HIVEP2: variants seen among roughly 807,000 people sequenced by gnomAD.
HIVEP2 encodes the protein transcription factor HIVEP2.
HIVEP2 carries 14 observed loss-of-function variants against 180.7 expected under a neutral mutation model. The observed-to-expected ratio is 0.08, with a 90% CI of 0.05 to 0.12. The LOEUF is 0.12. HIVEP2 is among the 10% of genes least tolerant of loss of function. The pLI, the probability that HIVEP2 is intolerant of heterozygous loss-of-function variation, is 1.00. For synonymous variants in HIVEP2, 1,184 were observed against 1,136.4 expected (o/e 1.04, Z -0.84); for missense variants, 2,579 against 3,008.5 (o/e 0.86, Z 3.34).
chr6:142,880,772 C>T (rs1043344393), intron 1 of HIVEP2, among the ~76,000 whole-genome samples: 10 of 152,140 alleles, frequency 6.6e-5, no homozygotes, highest in African/African-American at 2.4e-4. Flanking sequence ...AGATTCCCTC[C>T]ATCCATCAAT....
At chr6:142,892,716 C>T (rs542131310) in intron 1 of HIVEP2, among the ~76,000 whole-genome samples, 1 of 152,176 alleles carries the variant, frequency 6.6e-6, no homozygotes, top group South Asian at 2.1e-4. Flanking sequence ...CAAGGCAATA[C>T]TGAATAACAC....
chr6:142,856,791 A>G lies in HIVEP2; in HGVS notation c.-640-19744T>C, dbSNP rs148491946. Among the ~76,000 whole-genome samples, 532 of 152,298 alleles carry G rather than the reference A, an allele frequency of 3.5e-3. 3 individuals are homozygous for G. Among genetic ancestry groups the G allele is most frequent in the African/African-American group, 0.011 (443 of 41,556 alleles). On this transcript the variant is annotated intron_variant, in intron 1 of 9. Coordinates refer to ENST00000367603, the MANE Select transcript of HIVEP2 (RefSeq NM_006734.4). The stretch of plus-strand genomic sequence containing the variant: ...ATCCTTAGAAAGATGACACAAAGAA[A>G]TGACCTGTGAGGGAGACTTCTGGTT...
intron 1 of HIVEP2, among the ~76,000 whole-genome samples, chr6:142,883,788 T>C (rs1776632457): frequency 6.6e-6 from 1 of 152,134 alleles, no homozygotes; most frequent in South Asian, 2.1e-4. Flanking sequence ...AGATGCATTG[T>C]GAAGGCTTAA....
At chr6:142,852,554 G>A (rs1377572625) in intron 1 of HIVEP2, among the ~76,000 whole-genome samples, 2 of 152,152 alleles carry the variant, frequency 1.3e-5, no homozygotes, top group African/African-American at 4.8e-5. Flanking sequence ...TGGGAGCTAA[G>A]TATCCCTCCT....
chr6:142,768,553 G>A lies in HIVEP2; in HGVS notation c.5188-17C>T, dbSNP rs766831791. ...AGGTTTCATCTGTAAGACAAGAAGAGAGAATCATTTCACATGCTTTCTCCA... is the reference window on the plus strand; with the variant it reads ...AGGTTTCATCTGTAAGACAAGAAGAAAGAATCATTTCACATGCTTTCTCCA... On this transcript the variant is annotated splice_polypyrimidine_tract_variant and intron_variant, in intron 5 of 9. Coordinates refer to ENST00000367603, the MANE Select transcript of HIVEP2 (RefSeq NM_006734.4). 1 of 1,610,820 alleles carries A rather than the reference G, an allele frequency of 6.2e-7. No homozygotes were observed. The highest frequency in any genetic ancestry group is 8.5e-7 in the Non-Finnish European group (1 of 1,178,942).
At chr6:142,755,586 G>T (rs1377169833) in intron 9 of HIVEP2, among the ~76,000 whole-genome samples, 2 of 152,154 alleles carry the variant, frequency 1.3e-5, no homozygotes, top group African/African-American at 4.8e-5. Context: ...ATGTGGATCT[G>T]TGGGGAAACC....
chr6:142,864,350 A>G (rs1776081397), intron 1 of HIVEP2, among the ~76,000 whole-genome samples: 1 of 152,196 alleles, frequency 6.6e-6, no homozygotes, highest in Non-Finnish European at 1.5e-5. Flanking sequence ...CTCTCACAAT[A>G]GCAGAAAGAG....
intron 2 of HIVEP2, among the ~76,000 whole-genome samples, chr6:142,819,605 C>T (rs1470077099): frequency 6.6e-6 from 1 of 152,164 alleles, no homozygotes; most frequent in African/African-American, 2.4e-5. Flanking sequence ...TTTCTAATAA[C>T]TATTCAGGAT....
rs1226602742 is a variant in HIVEP2, at chr6:142,752,161, GT to G, written c.*945del. 2.6e-5 allele frequency: 4 copies of G among 152,624 alleles called. No homozygotes were observed. Among genetic ancestry groups the G allele is most frequent in the African/African-American group, 9.7e-5 (4 of 41,428 alleles). The allele number at this position is 152,624 out of a possible 1,614,324, so 9.5% of individuals were successfully genotyped here. ...CTGTGGCAACCTAGTGTCCAACTGA[GT>G]TACATAAAATTGTACCAGTGATGCA... On this transcript the variant is annotated 3_prime_UTR_variant, in exon 10 of 10. Coordinates refer to ENST00000367603, the MANE Select transcript of HIVEP2 (RefSeq NM_006734.4).
chr6:142,797,640 G>T (rs914289937), intron 2 of HIVEP2, among the ~76,000 whole-genome samples: 1 of 152,096 alleles, frequency 6.6e-6, no homozygotes, highest in Admixed American at 6.6e-5. Context: ...TGGGAAAATA[G>T]GTGAGAACAG....
At chr6:142,893,916 T>C (rs1202010986) in intron 1 of HIVEP2, among the ~76,000 whole-genome samples, 1 of 152,186 alleles carries the variant, frequency 6.6e-6, no homozygotes. Flanking sequence ...CCATGGCTCT[T>C]CAGAAATCCA....
intron 1 of HIVEP2, among the ~76,000 whole-genome samples, chr6:142,921,831 G>C (rs1478437092): frequency 6.6e-6 from 1 of 152,146 alleles, no homozygotes; most frequent in Non-Finnish European, 1.5e-5. Flanking sequence ...TAATTTAAAT[G>C]CCTTCTCCAC....
chr6:142,858,857 G>A (rs1775896100), intron 1 of HIVEP2, among the ~76,000 whole-genome samples: 1 of 152,078 alleles, frequency 6.6e-6, no homozygotes, highest in Admixed American at 6.5e-5. Context: ...ACCTCCCAAA[G>A]TGCTGGGATT....
chr6:142,817,399 T>C (rs1359687269), intron 2 of HIVEP2, among the ~76,000 whole-genome samples: 1 of 152,230 alleles, frequency 6.6e-6, no homozygotes, highest in Non-Finnish European at 1.5e-5. Context: ...AGCAGTCACA[T>C]ATACACCATG....
At chr6:142,926,145 A>G (rs1251845923) in intron 1 of HIVEP2, among the ~76,000 whole-genome samples, 4 of 152,244 alleles carry the variant, frequency 2.6e-5, no homozygotes, top group East Asian at 3.8e-4. Context: ...TTTAAATTTA[A>G]CAGCTTGGGT....
intron 1 of HIVEP2, among the ~76,000 whole-genome samples, chr6:142,927,154 G>A (rs78534191): frequency 6.6e-6 from 1 of 152,086 alleles, no homozygotes; most frequent in Non-Finnish European, 1.5e-5. Flanking sequence ...GGAGGAAACC[G>A]AGCTCGCAAG....
intron 9 of HIVEP2, among the ~76,000 whole-genome samples, chr6:142,757,963 C>T (rs1412218857): frequency 2.0e-5 from 3 of 152,238 alleles, no homozygotes; most frequent in African/African-American, 7.2e-5. Context: ...AAATGCCACA[C>T]TCTCAATCCA....
chr6:142,876,074 G>A (rs1431545670), intron 1 of HIVEP2, among the ~76,000 whole-genome samples: 2 of 152,146 alleles, frequency 1.3e-5, no homozygotes, highest in African/African-American at 4.8e-5. Context: ...ATGGGAGAAA[G>A]TGTAGTGTCA....
chr6:142,771,324 C>T lies in HIVEP2; in HGVS notation c.3415G>A (p.Val1139Met). 4 of 1,613,210 alleles carry T rather than the reference C, an allele frequency of 2.5e-6. No individual in the cohort carries two copies. Among genetic ancestry groups the T allele is most frequent in the Non-Finnish European group, 3.4e-6 (4 of 1,180,016 alleles). ...CTCAGCGGGGGACAAGGACCCGCCA[C>T]CTGCTTCCCTGGGTCCTCTTGCTGA... is the stretch of plus-strand genomic sequence containing the variant. ...PLQQEDPGKQ[V>M]AGPCPPLSSG... is the part of the protein sequence containing the mutation. The change falls in exon 5 of 10, where the codon GTG (valine) becomes ATG (methionine). Residue 1139 changes from valine (V) to methionine (M), a missense_variant. By Grantham distance (21) the Val-to-Met change is conservative. Coordinates refer to ENST00000367603, the MANE Select transcript of HIVEP2 (RefSeq NM_006734.4). The surrounding 1 kb of genome is among the most constrained non-coding windows in gnomAD (Gnocchi z 5.4).
Sources: gnomAD v4.1 joint callset for allele counts (sites outside exome capture counted in the v4.1 genomes callset) on GRCh38, gnomAD v4.1.1 for gene constraint, Gnocchi (gnomAD v3.1) non-coding constraint, MANE v1.5 for transcripts, NCBI Gene and HGNC (gene_info 2026-07-23, HGNC 2026-07-21) for gene names.